The following TFEC variants were observed in gnomAD, a reference collection of about 807,000 sequenced individuals.
TFEC encodes transcription factor EC.
Under a neutral mutation model 41.6 loss-of-function variants are expected in TFEC, and 31 were observed. The observed-to-expected ratio is 0.74, with a 90% CI of 0.56 to 1.01. The LOEUF is 1.01. Among genes scored for constraint, TFEC ranks in the 50% least tolerant of loss-of-function variants. The pLI is 0.00. For missense variants in TFEC, 402 were observed against 404.1 expected (o/e 0.99, Z 0.04); for synonymous variants, 143 against 140.6 (o/e 1.02, Z -0.12).
At chr7:115,954,399 T>A (rs574241341) in intron 5 of TFEC, among the ~76,000 whole-genome samples, 187 bp downstream of exon 5, 7 of 152,196 alleles carry the variant, frequency 4.6e-5, no homozygotes, top group East Asian at 1.9e-4. Flanking sequence ...TGTTTCATTT[T>A]GTGAAAATAG....
chr7:116,035,067 A>G (rs1795878921), upstream of TFEC, among the ~76,000 whole-genome samples: 1 of 151,820 alleles, frequency 6.6e-6, no homozygotes, highest in African/African-American at 2.4e-5. Context: ...AGACAGCTTC[A>G]CGAAGACCAG....
chr7:115,968,149 CA>C lies in TFEC; in HGVS notation c.267+6020del, dbSNP rs1469142160. On this transcript the variant is annotated intron_variant, in intron 3 of 7. Transcript: ENST00000265440. ...TCAGTATTTAAGGTGGTTTCATCTC[CA>C]AACACTGAAAGAATTCCAAAATATA... 1.2e-5 allele frequency: 18 copies of C among 1,511,478 alleles called. No individual in the cohort carries two copies. In the African/African-American group the frequency reaches 2.4e-4, roughly 20 times the overall value. 93.6% of individuals were successfully genotyped at this position (1,511,478 alleles called of 1,614,324 possible).
At chr7:116,147,636 T>G (rs776058280) in intron 1 of TFEC, among the ~76,000 whole-genome samples, 4 of 147,812 alleles carry the variant, frequency 2.7e-5, no homozygotes, top group African/African-American at 9.9e-5. Flanking sequence ...TTCCCACCTA[T>G]GAGTGAGCAC....
intron 6 of TFEC, among the ~76,000 whole-genome samples, chr7:115,947,321 G>A (rs1476416370): frequency 6.6e-6 from 1 of 151,370 alleles, no homozygotes; most frequent in Non-Finnish European, 1.5e-5. Context: ...GTCTATCATT[G>A]CTGGACATTT....
At chr7:115,941,852 T>G in intron 7 of TFEC, 41 bp downstream of exon 7, 2 of 1,603,286 alleles carry the variant, frequency 1.2e-6, no homozygotes, top group South Asian at 2.2e-5. Flanking sequence ...AGCTGAGTCA[T>G]GTGTAAGCTA....
chr7:116,127,309 T>G (rs1469781685), intron 1 of TFEC, among the ~76,000 whole-genome samples: 4 of 152,104 alleles, frequency 2.6e-5, no homozygotes, highest in Non-Finnish European at 4.4e-5. Flanking sequence ...GGTCTTGATC[T>G]CCTGACCTCG....
In TFEC at chr7:115,940,774, T is replaced by C; in HGVS notation, c.821A>G (p.Glu274Gly). 6.2e-7 allele frequency: 1 copy of C among 1,613,480 alleles called. No individual in the cohort carries two copies. Among genetic ancestry groups the C allele is most frequent in the Non-Finnish European group, 8.5e-7 (1 of 1,179,644 alleles). Residue 274 changes from glutamate to glycine, a missense_variant, in exon 8 of 8, where the codon GAG becomes GGG. Physicochemically the swap from Glu to Gly is moderately conservative, Grantham distance 98. Transcript: ENST00000265440. ...QLTVSQGPSP[E>G]LCDQAIAFSD... ...AAAGGCTATAGCTTGATCACAGAGC[T>C]CAGGGCTTGGCCCCTGAGACACAGT...
chr7:116,120,044 T>A (rs1048859852), intron 1 of TFEC: 1 of 151,652 alleles, frequency 6.6e-6, no homozygotes, highest in African/African-American at 2.4e-5. Context: ...GAAGAGGATT[T>A]TTTTGCAAAA....
At chr7:115,958,323 A>G (rs910617258) in intron 3 of TFEC, among the ~76,000 whole-genome samples, 1 of 151,936 alleles carries the variant, frequency 6.6e-6, no homozygotes, top group Admixed American at 6.6e-5. Context: ...TCACTTAGCC[A>G]TACTTTTTAA....
intron 3 of TFEC, among the ~76,000 whole-genome samples, chr7:115,964,955 A>T (rs922320799): frequency 6.6e-6 from 1 of 151,592 alleles, no homozygotes; most frequent in Non-Finnish European, 1.5e-5. Context: ...TCTTAGCCCA[A>T]TGCATGGTAG....
intron 3 of TFEC, among the ~76,000 whole-genome samples, chr7:116,061,121 C>T (rs1049840489): frequency 6.6e-6 from 1 of 151,916 alleles, no homozygotes; most frequent in Non-Finnish European, 1.5e-5. Flanking sequence ...CAAGCTGATT[C>T]TAAATTTATA....
intron 1 of TFEC, among the ~76,000 whole-genome samples, chr7:116,151,899 CAAAGAT>C (rs2116468171): frequency 6.6e-6 from 1 of 151,970 alleles, no homozygotes; most frequent in African/African-American, 2.4e-5. Context: ...TGGATGTAAA[CAAAGAT>C]AAAATTTCTA....
chr7:115,985,271 T>G (rs911472772), intron 1 of TFEC, among the ~76,000 whole-genome samples: 4 of 152,130 alleles, frequency 2.6e-5, no homozygotes, highest in African/African-American at 9.7e-5. Context: ...CTTTCAAAAT[T>G]TTACACCTTC....
intron 3 of TFEC, among the ~76,000 whole-genome samples, chr7:116,099,464 T>C (rs1205852197): frequency 6.6e-6 from 1 of 152,200 alleles, no homozygotes; most frequent in Non-Finnish European, 1.5e-5. Flanking sequence ...GAGTTAGCCA[T>C]GATGATTTGG....
chr7:116,115,786 A>G (rs1165856359), intron 1 of TFEC, among the ~76,000 whole-genome samples: 1 of 152,040 alleles, frequency 6.6e-6, no homozygotes, highest in Non-Finnish European at 1.5e-5. Flanking sequence ...AGAATATAGT[A>G]TAGAGTGAAA....
intron 3 of TFEC, among the ~76,000 whole-genome samples, chr7:116,108,753 G>T (rs1350195864): frequency 6.6e-6 from 1 of 152,054 alleles, no homozygotes; most frequent in East Asian, 1.9e-4. Context: ...CCATCTCAAT[G>T]CATTTTCTAC....
At chr7:116,031,678 A>G (rs1239953950), upstream of TFEC, among the ~76,000 whole-genome samples, 1 of 152,156 alleles carries the variant, frequency 6.6e-6, no homozygotes, top group African/African-American at 2.4e-5. Flanking sequence ...GTGATCTAAA[A>G]ATTGTGCAAT....
At chr7:116,133,856 A>G (rs1798382902) in intron 1 of TFEC, among the ~76,000 whole-genome samples, 1 of 152,216 alleles carries the variant, frequency 6.6e-6, no homozygotes, top group Non-Finnish European at 1.5e-5. Flanking sequence ...ATGTTTATGA[A>G]GTAGAATACT....
chr7:116,077,499 C>A (rs12154748), intron 3 of TFEC, among the ~76,000 whole-genome samples: 4 of 151,938 alleles, frequency 2.6e-5, no homozygotes, highest in East Asian at 3.9e-4. Context: ...GATAAGAATT[C>A]GCCAACCAAG....
Sources: gnomAD v4.1 joint callset for allele counts (sites outside exome capture counted in the v4.1 genomes callset) on GRCh38, gnomAD v4.1.1 for gene constraint, MANE v1.5 for transcripts, NCBI Gene and HGNC (gene_info 2026-07-23, HGNC 2026-07-21) for gene names.